Variants in KIF3B observed in about 807,000 individuals in gnomAD.
KIF3B encodes the protein kinesin family member 3B, also known as kinesin-like protein KIF3B.
KIF3B carries 38 observed loss-of-function variants against 74.3 expected under a neutral mutation model. The observed-to-expected ratio is 0.51, with a 90% CI of 0.39 to 0.67. The LOEUF (loss-of-function observed/expected upper bound fraction) is 0.67. Ranked by LOEUF, KIF3B falls within the 30% of genes least tolerant of loss-of-function variation. KIF3B has a pLI of 0.00. For synonymous variants in KIF3B, 326 were observed against 342.5 expected (o/e 0.95, Z 0.53); for missense variants, 649 against 932.0 (o/e 0.70, Z 3.95).
chr20:32,327,625 A>C lies in KIF3B; in HGVS notation c.1932A>C (p.Arg644Ser). The change falls in exon 7 of 9, where the codon AGA becomes AGC. Residue 644 changes from arginine to serine, a missense_variant. Physicochemically the swap from Arg to Ser is moderately radical, Grantham distance 110. This residue lies in a region of KIF3B where 186 missense variants were observed against 198.5 expected (regional missense o/e 0.94). Coordinates refer to ENST00000375712, the MANE Select transcript of KIF3B (RefSeq NM_004798.4). ...AGAGACCATTGAGCCAGCACGCAAG[A>C]ATGTCCATGATGATTCGTCCAGAGG... Reference protein sequence around the residue: ...GYKRPLSQHARMSMMIRPEAR... With the variant: ...GYKRPLSQHASMSMMIRPEAR... The C allele has an allele frequency of 1.2e-6, 2 of 1,613,384 alleles. No homozygotes were observed. Among genetic ancestry groups the C allele is most frequent in the African/African-American group, 2.7e-5 (2 of 74,966 alleles).
intron 8 of KIF3B, 67 bp downstream of exon 8, chr20:32,330,386 T>G: frequency 2.8e-6 from 4 of 1,416,368 alleles, no homozygotes; most frequent in Admixed American, 1.9e-5. Flanking sequence ...AAAGCAAGAA[T>G]GCTTGTTTAT....
At chr20:32,281,905 A>G (rs2047644889) in intron 1 of KIF3B, among the ~76,000 whole-genome samples, 3 of 152,144 alleles carry the variant, frequency 2.0e-5, no homozygotes, top group African/African-American at 4.8e-5. Context: ...AAGGCTTACA[A>G]TGGCAGGGAC....
At chr20:32,323,085 T>C (rs1285574561) in intron 5 of KIF3B, among the ~76,000 whole-genome samples, 6 of 97,706 alleles carry the variant, frequency 6.1e-5, no homozygotes, top group Non-Finnish European at 1.2e-4. Flanking sequence ...TATTTATATA[T>C]ATTTATATTT....
chr20:32,304,876 C>T (rs1209539729), intron 1 of KIF3B, among the ~76,000 whole-genome samples: 1 of 151,798 alleles, frequency 6.6e-6, no homozygotes, highest in Non-Finnish European at 1.5e-5. Flanking sequence ...CATGGTGGCT[C>T]ACGCCTGTAA....
In KIF3B at chr20:32,324,059, A is replaced by G. The variant is rs570034449; in HGVS notation, c.1749-2712A>G. Among the ~76,000 whole-genome samples the G allele has an allele frequency of 2.0e-5, 3 of 152,054 alleles. No individual in the cohort carries two copies. In the South Asian group the frequency reaches 6.2e-4, roughly 32 times the overall value. On this transcript the variant is annotated intron_variant, in intron 5 of 8. Coordinates refer to ENST00000375712, the MANE Select transcript of KIF3B (RefSeq NM_004798.4). ...AGGAGTTCAAGGCTGCAGTGAGCCA[A>G]GATTATGCCACTGCATTCCAGTCTG...
At chr20:32,312,543 C>T (rs1032634605) in intron 2 of KIF3B, among the ~76,000 whole-genome samples, 1 of 152,106 alleles carries the variant, frequency 6.6e-6, no homozygotes, top group Non-Finnish European at 1.5e-5. Context: ...AACATGGTTT[C>T]GTTTTCATAT....
chr20:32,301,081 T>C (rs2122677924), intron 1 of KIF3B, among the ~76,000 whole-genome samples: 2 of 141,070 alleles, frequency 1.4e-5, no homozygotes, highest in Middle Eastern at 3.6e-3. Context: ...CCACGCTTCA[T>C]GGTCTTTTTT....
At chr20:32,293,883 A>G (rs893362451) in intron 1 of KIF3B, among the ~76,000 whole-genome samples, 10 of 152,152 alleles carry the variant, frequency 6.6e-5, no homozygotes, top group Non-Finnish European at 1.3e-4. Context: ...TTAAAAATAT[A>G]TGGGTTTATA....
chr20:32,314,224 C>T (rs1417112934), intron 2 of KIF3B, among the ~76,000 whole-genome samples: 1 of 152,102 alleles, frequency 6.6e-6, no homozygotes, highest in African/African-American at 2.4e-5. Context: ...TTTCTCAATC[C>T]CTGGATGCTG....
intron 5 of KIF3B, among the ~76,000 whole-genome samples, chr20:32,317,295 G>A (rs1179061817): frequency 2.6e-5 from 4 of 152,084 alleles, no homozygotes; most frequent in Non-Finnish European, 4.4e-5. Context: ...GCCACCCCAT[G>A]TTCTGTTCAT....
In KIF3B at chr20:32,333,945, C is replaced by T. The variant is rs1020668428; in HGVS notation, c.*2626C>T. On this transcript the variant is annotated 3_prime_UTR_variant, in exon 9 of 9. Transcript: ENST00000375712. Reference sequence around the variant, plus strand: ...TTGAATAGAGCAGATTGTAGAATGTCGTGCTGTCACCAGAAAGCTGCTGTT... The same window carrying T: ...TTGAATAGAGCAGATTGTAGAATGTTGTGCTGTCACCAGAAAGCTGCTGTT... 7.4e-4 allele frequency: 113 copies of T among 152,670 alleles called. No homozygotes were observed. Among genetic ancestry groups the T allele is most frequent in the African/African-American group, 2.7e-3 (111 of 41,542 alleles). The allele number at this position is 152,670 out of a possible 1,614,324, so 9.5% of individuals were successfully genotyped here. A position where few individuals can be genotyped will look rare whatever the true frequency, so the allele number is the denominator to read the frequency against.
At chr20:32,308,884 T>A (rs1200844619) in intron 1 of KIF3B, among the ~76,000 whole-genome samples, 1 of 151,874 alleles carries the variant, frequency 6.6e-6, no homozygotes, top group Non-Finnish European at 1.5e-5. Flanking sequence ...CCCGGCTGAT[T>A]TTTTGTATAT....
chr20:32,326,946 C>A, intron 6 of KIF3B, 62 bp downstream of exon 6: 5 of 831,706 alleles, frequency 6.0e-6, no homozygotes, highest in East Asian at 2.4e-5. Context: ...ATGTTGATAA[C>A]AAGAGCCCTC....
chr20:32,294,555 T>C (rs2047707990), intron 1 of KIF3B, among the ~76,000 whole-genome samples: 1 of 152,234 alleles, frequency 6.6e-6, no homozygotes, highest in African/African-American at 2.4e-5. Context: ...CTGCATTTCA[T>C]GAGTATTTAT....
At chr20:32,288,361 G>A (rs905836263) in intron 1 of KIF3B, among the ~76,000 whole-genome samples, 1 of 152,024 alleles carries the variant, frequency 6.6e-6, no homozygotes, top group Non-Finnish European at 1.5e-5. Context: ...GCAGTGGCTT[G>A]CACCTGTACT....
At chr20:32,320,479 A>ATATG (rs2047854638) in intron 5 of KIF3B, among the ~76,000 whole-genome samples, 1 of 145,856 alleles carries the variant, frequency 6.9e-6, no homozygotes, top group African/African-American at 2.6e-5. Context: ...TGCTTTCTTC[A>ATATG]TATGTGTGTG....
intron 1 of KIF3B, among the ~76,000 whole-genome samples, chr20:32,289,979 G>A (rs916813352): frequency 3.3e-5 from 5 of 152,092 alleles, no homozygotes; most frequent in Non-Finnish European, 7.4e-5. Context: ...TGGGCCAGAC[G>A]CTTGCTGCCT....
Position 32,277,698 on chromosome 20 carries a change from T to TCGCCGCCCCCGCCGC in KIF3B, c.-125_-111dup, listed in dbSNP as rs1569183329. The TCGCCGCCCCCGCCGC allele has an allele frequency of 3.8e-6, 1 of 260,124 alleles. No individual in the cohort carries two copies. The highest frequency in any genetic ancestry group is 1.2e-4 in the South Asian group (1 of 8,542). 16.1% of individuals were successfully genotyped at this position (260,124 alleles called of 1,614,324 possible). On this transcript the variant is annotated 5_prime_UTR_variant, in exon 1 of 9. Transcript: ENST00000375712. ...AGCGGGGAATGGCTGAGCCAGGGGT[T>TCGCCGCCCCCGCCGC]CGCCGCCCCCGCCGCCGCCGCCGCC... is the stretch of plus-strand genomic sequence containing the variant.
intron 1 of KIF3B, among the ~76,000 whole-genome samples, chr20:32,288,658 C>G (rs933174686): frequency 1.3e-5 from 2 of 152,028 alleles, no homozygotes; most frequent in African/African-American, 4.8e-5. Flanking sequence ...TCATTTCAAC[C>G]CTTCGTTCTC....
Sources: gnomAD v4.1 joint callset for allele counts (sites outside exome capture counted in the v4.1 genomes callset) on GRCh38, gnomAD v4.1.1 for gene constraint, gnomAD v4.1.1 regional missense constraint, MANE v1.5 for transcripts, NCBI Gene and HGNC (gene_info 2026-07-23, HGNC 2026-07-21) for gene names.